CAB39: variants seen among roughly 807,000 people sequenced by gnomAD.
CAB39 encodes calcium binding protein 39, also known as calcium-binding protein 39.
CAB39 carries 8 observed loss-of-function variants against 40.0 expected under a neutral mutation model. The observed-to-expected ratio is 0.20, with a 90% CI of 0.12 to 0.36. The LOEUF (loss-of-function observed/expected upper bound fraction) is 0.36, where lower values mean the gene tolerates loss of function less well. Ranked by LOEUF, CAB39 falls within the 10% of genes least tolerant of loss-of-function variation. The pLI, the probability that CAB39 is intolerant of heterozygous loss-of-function variation, is 1.00. For missense variants in CAB39, 270 were observed against 401.1 expected, an observed-to-expected ratio of 0.67 and a Z score of 2.79; for synonymous variants, 156 against 141.6, an observed-to-expected ratio of 1.10 and a Z score of -0.72.
intron 2 of CAB39, among the ~76,000 whole-genome samples, chr2:230,766,249 A>G (rs1021937158): frequency 8.3e-4 from 127 of 152,358 alleles, no homozygotes; most frequent in African/African-American, 3.0e-3. Context: ...TAATCAATGC[A>G]TAAAGAAGTG....
intron 1 of CAB39, 150 bp from the exon 2 acceptor site, chr2:230,759,809 A>G (rs1212353380): frequency 1.6e-5 from 7 of 442,446 alleles, no homozygotes; most frequent in Non-Finnish European, 2.1e-5. Context: ...TTTCTTGCAT[A>G]TATTTGTGGA....
rs570520379 is a variant in CAB39, at chr2:230,716,370, C to T, written c.-44+3140C>T. ...ACAGATTTCTTTAGTTATTGCCATA[C>T]TTTCCCAAGAGCCTTTTTTCCAGAT... On this transcript the variant is annotated intron_variant, in intron 1 of 8. Coordinates refer to ENST00000258418, the MANE Select transcript of CAB39 (RefSeq NM_016289.4). Among the ~76,000 whole-genome samples the T allele has an allele frequency of 1.1e-4, 16 of 152,260 alleles. No homozygotes were observed. In the East Asian group the frequency reaches 3.1e-3, roughly 29 times the overall value.
At chr2:230,782,978 A>G (rs1695719320) in intron 2 of CAB39, among the ~76,000 whole-genome samples, 1 of 101,782 alleles carries the variant, frequency 9.8e-6, no homozygotes, top group African/African-American at 5.7e-5. Context: ...ACGCCTGGCT[A>G]ATTTTTTGTT....
intron 1 of CAB39, chr2:230,752,041 C>CT (rs1374106138): frequency 1.0e-5 from 1 of 99,620 alleles, no homozygotes; most frequent in African/African-American, 3.7e-5. Flanking sequence ...CCCCCCCCCC[C>CT]CCACATACAC....
At chr2:230,813,084 C>G (rs557612736) in intron 6 of CAB39, among the ~76,000 whole-genome samples, 1 of 152,198 alleles carries the variant, frequency 6.6e-6, no homozygotes, top group Non-Finnish European at 1.5e-5. Flanking sequence ...AGGAAAGTCT[C>G]AGGAAAGCAC....
chr2:230,755,787 A>G (rs1360031752), intron 1 of CAB39, among the ~76,000 whole-genome samples: 1 of 152,248 alleles, frequency 6.6e-6, no homozygotes, highest in Non-Finnish European at 1.5e-5. Context: ...TCCTCCAAAT[A>G]TGTATAAAAG....
rs573089752 is a variant in CAB39 at position 230,761,943 on chromosome 2, G to A, written c.114+1828G>A. Reference sequence around the variant, plus strand: ...GTTGTTTTGAGATGGAGTCTCGCTCGGTTAGCCAGGCTGGAGTGTAGTGGC... The same window carrying A: ...GTTGTTTTGAGATGGAGTCTCGCTCAGTTAGCCAGGCTGGAGTGTAGTGGC... On this transcript the variant is annotated intron_variant, in intron 2 of 8. Coordinates refer to ENST00000258418, the MANE Select transcript of CAB39 (RefSeq NM_016289.4). Among the ~76,000 whole-genome samples, 38 of 151,204 alleles carry A rather than the reference G, an allele frequency of 2.5e-4. No homozygotes were observed. The Middle Eastern group carries it at 0.017, about 68-fold the overall frequency.
chr2:230,820,408 C>T lies in CAB39; in HGVS notation c.*1704C>T, dbSNP rs1696489064. The T allele has an allele frequency of 6.6e-6, 1 of 152,130 alleles. No homozygotes were observed. Among genetic ancestry groups the T allele is most frequent in the South Asian group, 2.1e-4 (1 of 4,832 alleles). 9.4% of individuals were successfully genotyped at this position (152,130 alleles called of 1,614,324 possible). Reference sequence around the variant, plus strand: ...TTATTTTTATTAAAATGGCAGTCTACATCATAATTGGCATTTCTCAAGACT... The same window carrying T: ...TTATTTTTATTAAAATGGCAGTCTATATCATAATTGGCATTTCTCAAGACT... On this transcript the variant is annotated 3_prime_UTR_variant, in exon 9 of 9. Coordinates refer to ENST00000258418, the MANE Select transcript of CAB39 (RefSeq NM_016289.4).
intron 2 of CAB39, among the ~76,000 whole-genome samples, chr2:230,766,797 G>T (rs1695393617): frequency 1.3e-5 from 2 of 152,238 alleles, no homozygotes; most frequent in African/African-American, 4.8e-5. Flanking sequence ...AAATTGCTGG[G>T]ATTGCAGGTA....
At chr2:230,751,931 A>G (rs1284568005) in intron 1 of CAB39, among the ~76,000 whole-genome samples, 1 of 151,780 alleles carries the variant, frequency 6.6e-6, no homozygotes, top group Non-Finnish European at 1.5e-5. Flanking sequence ...TGAATTTTGC[A>G]TAATGAACAG....
At chr2:230,775,939 A>G (rs1005800746) in intron 2 of CAB39, among the ~76,000 whole-genome samples, 1 of 152,218 alleles carries the variant, frequency 6.6e-6, no homozygotes, top group Non-Finnish European at 1.5e-5. Context: ...TGTGGGAACC[A>G]AGAGGATAAA....
chr2:230,774,350 A>T (rs1215464360), intron 2 of CAB39, among the ~76,000 whole-genome samples: 1 of 152,218 alleles, frequency 6.6e-6, no homozygotes, highest in Non-Finnish European at 1.5e-5. Context: ...AGAATTGTGT[A>T]TGATACAAAT....
intron 1 of CAB39, among the ~76,000 whole-genome samples, chr2:230,739,504 CT>C (rs376352763): frequency 2.0e-5 from 3 of 151,816 alleles, no homozygotes; most frequent in Non-Finnish European, 2.9e-5. Flanking sequence ...AATTTGAAGT[CT>C]TTTTTTTGAG....
At chr2:230,745,340 T>C (rs1243149396) in intron 1 of CAB39, among the ~76,000 whole-genome samples, 2 of 152,210 alleles carry the variant, frequency 1.3e-5, no homozygotes, top group Non-Finnish European at 1.5e-5. Context: ...TGAAAAATCT[T>C]TTTTTGTAAG....
chr2:230,741,919 CTAAG>C (rs1694884540), intron 1 of CAB39, among the ~76,000 whole-genome samples: 1 of 152,104 alleles, frequency 6.6e-6, no homozygotes, highest in African/African-American at 2.4e-5. Flanking sequence ...TTGTCTATAA[CTAAG>C]CAGTGCTATA....
At chr2:230,801,301 G>A (rs1696085387) in intron 5 of CAB39, among the ~76,000 whole-genome samples, 1 of 152,194 alleles carries the variant, frequency 6.6e-6, no homozygotes, top group Non-Finnish European at 1.5e-5. Context: ...ACTCCAGTCA[G>A]GGAAGAAAGG....
At chr2:230,717,435 A>G (rs1694370718) in intron 1 of CAB39, among the ~76,000 whole-genome samples, 1 of 152,174 alleles carries the variant, frequency 6.6e-6, no homozygotes, top group South Asian at 2.1e-4. Flanking sequence ...CCGGATCCCA[A>G]CCACTACTTT....
rs1359297215 is a variant in CAB39 at position 230,817,104 on chromosome 2, T to G, written c.694-650T>G. The stretch of plus-strand genomic sequence containing the variant: ...CAACTCTCCAGAAATTAGTAAACCC[T>G]TGAAGTAAACAGATGTTTTTTTAGC... On this transcript the variant is annotated intron_variant, in intron 7 of 8. Transcript: ENST00000258418. 2.0e-5 allele frequency among the ~76,000 whole-genome samples: 3 copies of G among 152,248 alleles called. No individual in the cohort carries two copies. In the East Asian group the frequency reaches 5.8e-4, roughly 29 times the overall value.
intron 2 of CAB39, among the ~76,000 whole-genome samples, chr2:230,765,116 A>G (rs1006573058): frequency 6.6e-6 from 1 of 152,046 alleles, no homozygotes; most frequent in Non-Finnish European, 1.5e-5. Context: ...CCTCCCAAGT[A>G]GCTGGGACTA....
Sources: allele counts gnomAD v4.1 joint callset (sites outside exome capture counted in the v4.1 genomes callset), GRCh38; gene constraint gnomAD v4.1.1; transcripts MANE v1.5; gene names NCBI Gene and HGNC (gene_info 2026-07-23, HGNC 2026-07-21).